TMEM225B: variants seen among roughly 807,000 people sequenced by gnomAD.
TMEM225B encodes transmembrane protein 225-like.
Under a neutral mutation model 16.9 loss-of-function variants are expected in TMEM225B, and 10 were observed. The observed-to-expected ratio is 0.59, with a 90% CI of 0.36 to 1.00. TMEM225B has a LOEUF of 1.00. Among genes scored for constraint, TMEM225B ranks in the 50% least tolerant of loss-of-function variants. TMEM225B has a pLI of 0.01. For synonymous variants in TMEM225B, 92 were observed against 109.8 expected (o/e 0.84, Z 1.01); for missense variants, 217 against 267.0 (o/e 0.81, Z 1.30).
intron 3 of TMEM225B, among the ~76,000 whole-genome samples, chr7:99,606,364 G>A (rs1486895424): frequency 6.6e-6 from 1 of 152,206 alleles, no homozygotes; most frequent in Non-Finnish European, 1.5e-5. Context: ...CTACTCTGGA[G>A]GCTGAGGCAG....
At chr7:99,606,640 C>A in intron 3 of TMEM225B, 108 bp from the exon 4 acceptor site, 1 of 1,005,572 alleles carries the variant, frequency 9.9e-7, no homozygotes, top group Non-Finnish European at 1.4e-6. Flanking sequence ...GCTTTGGGAT[C>A]TAAGGGTGGT....
intron 4 of TMEM225B, 73 bp from the exon 5 acceptor site, chr7:99,607,600 A>T (rs1378895113): frequency 6.9e-7 from 1 of 1,443,654 alleles, no homozygotes; most frequent in African/African-American, 1.4e-5. Flanking sequence ...GGCAGGAGCC[A>T]CAGGGGGTGA....
chr7:99,608,987 C>T (rs1806106841), intron 5 of TMEM225B, among the ~76,000 whole-genome samples: 3 of 151,264 alleles, frequency 2.0e-5, no homozygotes, highest in South Asian at 2.1e-4. Flanking sequence ...GCCAACATGG[C>T]GAAAACCCAT....
chr7:99,604,297 C>T (rs1805605579), intron 2 of TMEM225B, 89 bp from the exon 3 acceptor site: 2 of 830,696 alleles, frequency 2.4e-6, no homozygotes, highest in Non-Finnish European at 3.9e-6. Flanking sequence ...ACAGCACTGA[C>T]ATTTCCCCAG....
At position 99,610,783 on chromosome 7, in the gene TMEM225B, C is replaced by T. The variant is rs143624968; in HGVS notation, c.*218C>T. The T allele has an allele frequency of 5.0e-4, 207 of 417,824 alleles. No homozygotes were observed. Among genetic ancestry groups the T allele is most frequent in the African/African-American group, 3.7e-3 (190 of 51,104 alleles). The allele number at this position is 417,824 out of a possible 1,614,324, so 25.9% of individuals were successfully genotyped here. A position where few individuals can be genotyped will look rare whatever the true frequency, so the allele number is the denominator to read the frequency against. ...CAACTCTTCTGAGCTTCCTAAGTGA[C>T]GTTTTTGCAGGTATTTTCAATAAAA... On this transcript the variant is annotated 3_prime_UTR_variant, in exon 6 of 6. Transcript: ENST00000431679.
intron 2 of TMEM225B, among the ~76,000 whole-genome samples, chr7:99,600,799 C>T (rs1805295453): frequency 6.6e-6 from 1 of 152,030 alleles, no homozygotes; most frequent in Non-Finnish European, 1.5e-5. Flanking sequence ...GGTACAGAGG[C>T]CAGAGGAGCC....
chr7:99,609,022 CT>C (rs1356623177), intron 5 of TMEM225B, among the ~76,000 whole-genome samples: 4 of 151,720 alleles, frequency 2.6e-5, no homozygotes, highest in Non-Finnish European at 5.9e-5. Flanking sequence ...CAAAAATTAG[CT>C]GGGTATGGTG....
intron 4 of TMEM225B, 42 bp downstream of exon 4, chr7:99,606,936 G>A (rs1488029063): frequency 6.5e-7 from 1 of 1,532,842 alleles, no homozygotes; most frequent in Admixed American, 2.0e-5. Context: ...GCTAGGGCCT[G>A]GGGAGGAGTC....
In TMEM225B at chr7:99,607,801, A is replaced by G; in HGVS notation, c.484A>G (p.Ile162Val). The change falls in exon 5 of 6, where the codon ATA becomes GTA. Residue 162 changes from isoleucine to valine, a missense_variant. Transcript: ENST00000431679. ...GCTGGGCTTCGGCATCTTTCTGTTC[A>G]TAGTGGCTGGTGAGTGTCCAGGGAA... ...YVLGFGIFLF[I>V]VAGTICLIQE... 6.5e-7 allele frequency: 1 copy of G among 1,536,056 alleles called. No individual in the cohort carries two copies. The highest frequency in any genetic ancestry group is 1.2e-5 in the South Asian group (1 of 84,058).
At chr7:99,605,057 T>G (rs1313339793) in intron 3 of TMEM225B, among the ~76,000 whole-genome samples, 1 of 151,874 alleles carries the variant, frequency 6.6e-6, no homozygotes, top group Non-Finnish European at 1.5e-5. Flanking sequence ...TTAACCAGGC[T>G]TGGTTAACCC....
intron 4 of TMEM225B, among the ~76,000 whole-genome samples, chr7:99,607,256 A>G (rs1257246096): frequency 2.6e-5 from 4 of 152,048 alleles, no homozygotes; most frequent in Non-Finnish European, 5.9e-5. Flanking sequence ...CAGCCTCCCA[A>G]TTGCTGAGAT....
At chr7:99,609,199 G>A (rs1016892460) in intron 5 of TMEM225B, among the ~76,000 whole-genome samples, 1 of 151,776 alleles carries the variant, frequency 6.6e-6, no homozygotes, top group Non-Finnish European at 1.5e-5. Flanking sequence ...ACATATTTAA[G>A]CTTTTATTTC....
chr7:99,608,858 T>TATATGTATATATAC (rs536627768), intron 5 of TMEM225B, among the ~76,000 whole-genome samples: 5 of 144,388 alleles, frequency 3.5e-5, no homozygotes, highest in African/African-American at 1.1e-4. Flanking sequence ...TATATATATA[T>TATATGTATATATAC]ACACACACAC....
intron 2 of TMEM225B, among the ~76,000 whole-genome samples, chr7:99,603,704 A>G (rs1262076239): frequency 6.6e-6 from 1 of 151,978 alleles, no homozygotes; most frequent in Non-Finnish European, 1.5e-5. Flanking sequence ...AAAAAAAAAA[A>G]AAAAGAATTG....
chr7:99,603,196 G>T (rs146613685), intron 2 of TMEM225B, among the ~76,000 whole-genome samples: 119 of 152,274 alleles, frequency 7.8e-4, no homozygotes, highest in Non-Finnish European at 1.5e-3. Flanking sequence ...CTCAGCAGGG[G>T]CTCCTCCTGT....
At chr7:99,599,769 G>A (rs1805187732) in intron 1 of TMEM225B, among the ~76,000 whole-genome samples, 1 of 152,196 alleles carries the variant, frequency 6.6e-6, no homozygotes, top group South Asian at 2.1e-4. Flanking sequence ...GCCATTGGTG[G>A]CTGGTGAGAC....
At chr7:99,601,507 CA>C (rs1197294491) in intron 2 of TMEM225B, among the ~76,000 whole-genome samples, 1 of 152,158 alleles carries the variant, frequency 6.6e-6, no homozygotes, top group Non-Finnish European at 1.5e-5. Flanking sequence ...GTGGGAGGAT[CA>C]CTTGTGCCCA....
chr7:99,600,356 C>T, intron 2 of TMEM225B, 71 bp downstream of exon 2: 1 of 699,742 alleles, frequency 1.4e-6, no homozygotes. Flanking sequence ...CACCAAGCTG[C>T]ACTTTTCAGG....
In TMEM225B at chr7:99,607,689, G is replaced by C. The variant is rs1805937578; in HGVS notation, c.372G>C (p.Leu124=). Residue 124 remains leucine (L), a synonymous_variant, in exon 5 of 6, where the codon CTG becomes CTC. Transcript: ENST00000431679. Reference sequence around the variant, plus strand: ...ACCCTCCAGGGGCCTGTGCCTTCCTGGCTTTGGTGCTGCATGCCCTGGAGA... The same window carrying C: ...ACCCTCCAGGGGCCTGTGCCTTCCTCGCTTTGGTGCTGCATGCCCTGGAGA... ...ISFFTGACAF[L]ALVLHALEIK... is the part of the protein sequence containing the mutation. 6.5e-7 allele frequency: 1 copy of C among 1,535,992 alleles called. No individual in the cohort carries two copies.
Sources: allele counts gnomAD v4.1 joint callset (sites outside exome capture counted in the v4.1 genomes callset), GRCh38; gene constraint gnomAD v4.1.1; transcripts MANE v1.5; gene names NCBI Gene and HGNC (gene_info 2026-07-23, HGNC 2026-07-21).